Variants in TRNT1 observed in about 807,000 individuals in gnomAD.
The protein encoded by TRNT1 is tRNA nucleotidyl transferase 1.
A neutral mutation model predicts 45.6 loss-of-function variants in TRNT1; 44 were observed. The ratio of observed to expected loss-of-function variants is 0.97; its 90% CI spans 0.76 to 1.24. The LOEUF is 1.24. Ranked by LOEUF, TRNT1 falls within the 50% of genes most tolerant of loss-of-function variation. TRNT1 has a pLI of 0.00. For missense variants in TRNT1, 633 were observed against 504.4 expected (o/e 1.25, Z -2.44); for synonymous variants, 201 against 171.4 (o/e 1.17, Z -1.35).
Position 3,132,776 on chromosome 3 carries a change from C to G in TRNT1, c.148+3588C>G, listed in dbSNP as rs1201878182. Among the ~76,000 whole-genome samples, 4 of 150,152 alleles carry G rather than the reference C, an allele frequency of 2.7e-5. No homozygotes were observed. In the East Asian group the frequency reaches 7.8e-4, roughly 29 times the overall value. On this transcript the variant is annotated intron_variant, in intron 2 of 7. Coordinates refer to ENST00000251607, the MANE Select transcript of TRNT1 (RefSeq NM_182916.3). ...AAAAAAACACTGGATTTTCTCCACC[C>G]TGAGAAATGAGGTCCTAAGGAAGTT... is the stretch of plus-strand genomic sequence containing the variant.
At chr3:3,138,159 G>A (rs544696861) in intron 3 of TRNT1, among the ~76,000 whole-genome samples, 2 of 152,090 alleles carry the variant, frequency 1.3e-5, no homozygotes, top group African/African-American at 2.4e-5. Context: ...CCTGTTTCCT[G>A]GGTCCCATGT....
intron 6 of TRNT1, 94 bp from the exon 7 acceptor site, chr3:3,147,356 G>A (rs2126036391): frequency 7.1e-7 from 1 of 1,407,188 alleles, no homozygotes; most frequent in Non-Finnish European, 9.7e-7. Flanking sequence ...TAGTGACAAA[G>A]CATTTCTGGA....
chr3:3,138,231 G>A (rs114838702), intron 3 of TRNT1, among the ~76,000 whole-genome samples: 11 of 152,198 alleles, frequency 7.2e-5, no homozygotes, highest in South Asian at 2.1e-4. Flanking sequence ...AGCCTTACAC[G>A]TCTGAAAATG....
chr3:3,138,660 G>C (rs1575051966), intron 3 of TRNT1, among the ~76,000 whole-genome samples: 1 of 152,096 alleles, frequency 6.6e-6, no homozygotes. Flanking sequence ...TACTTTCTAT[G>C]AGAGTGCCTT....
intron 4 of TRNT1, among the ~76,000 whole-genome samples, chr3:3,140,954 TG>T (rs1366515328): frequency 1.3e-5 from 2 of 152,138 alleles, no homozygotes. Context: ...TGGTGGCGGC[TG>T]CCTGTAGTCC....
chr3:3,150,585 G>A (rs1575075076), downstream of TRNT1: 1 of 295,130 alleles, frequency 3.4e-6, no homozygotes, highest in South Asian at 4.1e-5. Flanking sequence ...TCCCATCAAT[G>A]ACATGCTACC....
At chr3:3,138,113 T>C (rs1705438099) in intron 3 of TRNT1, among the ~76,000 whole-genome samples, 1 of 152,212 alleles carries the variant, frequency 6.6e-6, no homozygotes, top group African/African-American at 2.4e-5. Flanking sequence ...TATGGACTTT[T>C]AGGAATTTCC....
downstream of TRNT1, chr3:3,150,967 CAT>C (rs2126047419): frequency 6.2e-7 from 1 of 1,614,042 alleles, no homozygotes; most frequent in Non-Finnish European, 8.5e-7. Context: ...TTTGAGGTGA[CAT>C]GTCTTTTTTG....
intron 2 of TRNT1, chr3:3,130,129 G>T: frequency 1.5e-6 from 1 of 661,740 alleles, no homozygotes; most frequent in East Asian, 2.7e-5. Context: ...TACAAAGCCT[G>T]TGGGAATTTT....
chr3:3,138,393 A>G (rs1251345884), intron 3 of TRNT1, among the ~76,000 whole-genome samples: 1 of 152,068 alleles, frequency 6.6e-6, no homozygotes, highest in Admixed American at 6.6e-5. Context: ...TTGTTTAAAA[A>G]CCTGATTGCC....
rs569082960 is a variant in TRNT1 at position 3,147,229 on chromosome 3, G to T, written c.803-221G>T. 5.9e-5 allele frequency among the ~76,000 whole-genome samples: 9 copies of T among 152,228 alleles called. No individual in the cohort carries two copies. The South Asian group carries it at 1.9e-3, about 32-fold the overall frequency. ...CACTACCCCTGGAACTCTTGATGTA[G>T]CTTTAATGGAAACAAGAACATTTTA... On this transcript the variant is annotated intron_variant, in intron 6 of 7. Transcript: ENST00000251607.
At chr3:3,146,336 G>C (rs1429289232) in intron 5 of TRNT1, 94 bp from the exon 6 acceptor site, 1 of 896,392 alleles carries the variant, frequency 1.1e-6, no homozygotes, top group African/African-American at 1.7e-5. Flanking sequence ...TCATTAAGCA[G>C]ATGTATGGGA....
At chr3:3,128,337 C>T (rs1424543012) in intron 1 of TRNT1, among the ~76,000 whole-genome samples, 9 of 152,302 alleles carry the variant, frequency 5.9e-5, no homozygotes, top group Middle Eastern at 6.8e-3. Flanking sequence ...TGGCTCACGC[C>T]TGTAATCCCA....
chr3:3,138,197 T>A (rs1216282254), intron 3 of TRNT1, among the ~76,000 whole-genome samples: 1 of 152,220 alleles, frequency 6.6e-6, no homozygotes, highest in Non-Finnish European at 1.5e-5. Context: ...TAAGCCCTCA[T>A]TTTAATAATC....
chr3:3,153,184 A>G (rs906073268), downstream of TRNT1: 2 of 455,478 alleles, frequency 4.4e-6, no homozygotes, highest in African/African-American at 4.0e-5. Flanking sequence ...GGGGAAAAGA[A>G]TTTCTCAGTT....
chr3:3,137,721 C>G (rs1005756921), intron 3 of TRNT1, among the ~76,000 whole-genome samples: 4 of 151,872 alleles, frequency 2.6e-5, no homozygotes, highest in Admixed American at 6.6e-5. Flanking sequence ...TATTGACTTT[C>G]CATAAGGGAA....
downstream of TRNT1, chr3:3,149,486 T>C (rs1410403993): frequency 6.6e-6 from 1 of 152,044 alleles, no homozygotes; most frequent in Non-Finnish European, 1.5e-5. Context: ...TACTGAAATT[T>C]TAACTTTTCA....
intron 4 of TRNT1, among the ~76,000 whole-genome samples, chr3:3,144,381 T>C (rs565724348): frequency 3.3e-5 from 5 of 152,366 alleles, no homozygotes; most frequent in Middle Eastern, 3.4e-3. Flanking sequence ...TTAGTTGCAA[T>C]TGTAAATGCA....
chr3:3,129,033 C>G lies in TRNT1; in HGVS notation c.-8C>G, dbSNP rs1395639149. ...TTGTAGATGTGTAGTTGGTGACTGCCTCTCCAGATGCTGAGGTGCCTGTAT... is the reference window on the plus strand; with the variant it reads ...TTGTAGATGTGTAGTTGGTGACTGCGTCTCCAGATGCTGAGGTGCCTGTAT... On this transcript the variant is annotated 5_prime_UTR_variant, in exon 2 of 8. Transcript: ENST00000251607. The G allele has an allele frequency of 6.3e-7, 1 of 1,599,300 alleles. No individual in the cohort carries two copies. Among genetic ancestry groups the G allele is most frequent in the East Asian group, 2.2e-5 (1 of 44,692 alleles).
Sources: gnomAD v4.1 joint callset for allele counts (sites outside exome capture counted in the v4.1 genomes callset) on GRCh38, gnomAD v4.1.1 for gene constraint, MANE v1.5 for transcripts, NCBI Gene and HGNC (gene_info 2026-07-23, HGNC 2026-07-21) for gene names.